The following CCSER1 variants were observed in gnomAD, a reference collection of about 807,000 sequenced individuals.
The protein encoded by CCSER1 is coiled-coil serine rich protein 1, also known as serine-rich coiled-coil domain-containing protein 1.
A neutral mutation model predicts 82.0 loss-of-function variants in CCSER1; 41 were observed. The ratio of observed to expected loss-of-function variants is 0.50; its 90% CI spans 0.39 to 0.65. The LOEUF (loss-of-function observed/expected upper bound fraction) is 0.65, where lower values mean the gene tolerates loss of function less well. Among genes scored for constraint, CCSER1 ranks in the 30% least tolerant of loss-of-function variants. The probability of loss-of-function intolerance (pLI) is 0.00; values close to 1 mark genes in which losing one functional copy is unlikely to be tolerated. For missense variants in CCSER1, 1,119 were observed against 1,064.2 expected, an observed-to-expected ratio of 1.05 and a Z score of -0.72; for synonymous variants, 414 against 383.9, an observed-to-expected ratio of 1.08 and a Z score of -0.92.
chr4:91,019,011 A>T (rs889610552), intron 9 of CCSER1, among the ~76,000 whole-genome samples: 1 of 151,998 alleles, frequency 6.6e-6, no homozygotes, highest in Non-Finnish European at 1.5e-5. Context: ...TACCACCTTC[A>T]TCTCTATCAT....
chr4:90,658,772 A>G (rs534587614), intron 6 of CCSER1, among the ~76,000 whole-genome samples: 60 of 152,324 alleles, frequency 3.9e-4, no homozygotes, highest in African/African-American at 1.4e-3. Flanking sequence ...AAACATTTAA[A>G]TATATTCACA....
At chr4:91,219,306 GGC>G (rs1737546556) in intron 10 of CCSER1, among the ~76,000 whole-genome samples, 1 of 129,380 alleles carries the variant, frequency 7.7e-6, no homozygotes, top group African/African-American at 3.0e-5. Context: ...TTTACAGTTT[GGC>G]TTTTTTTTTT....
intron 10 of CCSER1, among the ~76,000 whole-genome samples, chr4:91,374,988 T>C (rs945899425): frequency 4.6e-5 from 7 of 152,118 alleles, no homozygotes; most frequent in African/African-American, 1.4e-4. Flanking sequence ...GAGAGAGTCT[T>C]GCTCTGTCAA....
At chr4:90,335,263 C>T (rs1740167465) in intron 3 of CCSER1, among the ~76,000 whole-genome samples, 1 of 152,160 alleles carries the variant, frequency 6.6e-6, no homozygotes, top group Non-Finnish European at 1.5e-5. Context: ...ATATAGGCTT[C>T]TTCATTGACA....
At chr4:90,839,129 T>C in intron 8 of CCSER1, 1 of 940,122 alleles carries the variant, frequency 1.1e-6, no homozygotes, top group Non-Finnish European at 1.7e-6. Flanking sequence ...ATAATATTTT[T>C]AATAATGTTT....
intron 8 of CCSER1, among the ~76,000 whole-genome samples, chr4:90,908,927 A>G (rs1725917531): frequency 6.6e-6 from 1 of 152,210 alleles, no homozygotes. Flanking sequence ...GTAACAAAGT[A>G]CCACAAACTG....
chr4:90,687,903 A>G (rs1735111462), intron 6 of CCSER1, among the ~76,000 whole-genome samples: 1 of 152,160 alleles, frequency 6.6e-6, no homozygotes, highest in East Asian at 1.9e-4. Flanking sequence ...TAATTTTCGG[A>G]TACCTGCGCG....
In CCSER1 at chr4:90,309,392, G is replaced by C; in HGVS notation, c.1108G>C (p.Asp370His). 1 of 1,613,824 alleles carries C rather than the reference G, an allele frequency of 6.2e-7. No homozygotes were observed. Among genetic ancestry groups the C allele is most frequent in the South Asian group, 1.1e-5 (1 of 91,074 alleles). The change falls in exon 2 of 11, where the codon GAT becomes CAT. Residue 370 changes from aspartate to histidine, a missense_variant. Transcript: ENST00000509176. ...VSHSESNLPA[D>H]SEREENIGLQ... is the part of the protein sequence containing the mutation. ...CCACTCAGAGAGTAACCTACCAGCA[G>C]ATAGTGAAAGAGAAGAAAATATAGG... is the stretch of plus-strand genomic sequence containing the variant.
At chr4:91,374,501 T>A (rs1750263466) in intron 10 of CCSER1, among the ~76,000 whole-genome samples, 1 of 152,188 alleles carries the variant, frequency 6.6e-6, no homozygotes, top group Non-Finnish European at 1.5e-5. Context: ...ACTGAATGTT[T>A]TAAGCCCATT....
chr4:90,557,122 C>A (rs1397081877), intron 5 of CCSER1, among the ~76,000 whole-genome samples: 1 of 151,784 alleles, frequency 6.6e-6, no homozygotes, highest in Non-Finnish European at 1.5e-5. Context: ...AGATTTATAA[C>A]TTCCAGTGTT....
intron 1 of CCSER1, among the ~76,000 whole-genome samples, chr4:90,271,862 A>ATAT (rs1553982816): frequency 1.9e-3 from 42 of 21,732 alleles, no homozygotes; most frequent in Non-Finnish European, 2.5e-3. Flanking sequence ...ATATATATAT[A>ATAT]TTTTTTTTTT....
chr4:91,046,805 C>T (rs968838749), intron 9 of CCSER1, among the ~76,000 whole-genome samples: 1 of 151,948 alleles, frequency 6.6e-6, no homozygotes, highest in Non-Finnish European at 1.5e-5. Flanking sequence ...ACAACCCGCA[C>T]CTCCCAGGTT....
chr4:90,883,778 G>T (rs973985991), intron 8 of CCSER1, among the ~76,000 whole-genome samples: 4 of 152,078 alleles, frequency 2.6e-5, no homozygotes, highest in African/African-American at 9.7e-5. Context: ...CTTTCAGATG[G>T]AATATATCTG....
intron 9 of CCSER1, among the ~76,000 whole-genome samples, chr4:91,082,915 A>G (rs893458900): frequency 3.9e-5 from 6 of 152,168 alleles, no homozygotes; most frequent in Admixed American, 2.6e-4. Flanking sequence ...GAAACTACAG[A>G]TGCTGGAGAG....
Position 90,308,867 on chromosome 4 carries a change from G to A in CCSER1, c.583G>A (p.Val195Ile). 1 of 1,613,852 alleles carries A rather than the reference G, an allele frequency of 6.2e-7. No homozygotes were observed. Among genetic ancestry groups the A allele is most frequent in the Non-Finnish European group, 8.5e-7 (1 of 1,179,816 alleles). ...FSSHYKFSKP[V>I]LQSQSISLVQ... is the part of the protein sequence containing the mutation. ...ATCTCACTATAAATTTTCTAAGCCA[G>A]TTCTACAGAGCCAATCCATTTCATT... The change falls in exon 2 of 11, where the codon GTT (valine) becomes ATT (isoleucine). Residue 195 changes from valine to isoleucine, a missense_variant. Transcript: ENST00000509176.
chr4:91,197,211 T>C (rs1735514283), intron 10 of CCSER1, among the ~76,000 whole-genome samples: 1 of 152,192 alleles, frequency 6.6e-6, no homozygotes, highest in Non-Finnish European at 1.5e-5. Flanking sequence ...CCATGATCCA[T>C]GACAGCTAAA....
At chr4:91,246,205 G>A (rs777881092) in intron 10 of CCSER1, among the ~76,000 whole-genome samples, 2 of 152,070 alleles carry the variant, frequency 1.3e-5, no homozygotes, top group Non-Finnish European at 2.9e-5. Flanking sequence ...AAAACAGAAA[G>A]TTAAAAAGCA....
At chr4:90,268,339 C>T (rs1298368554) in intron 1 of CCSER1, among the ~76,000 whole-genome samples, 1 of 152,016 alleles carries the variant, frequency 6.6e-6, no homozygotes, top group African/African-American at 2.4e-5. Flanking sequence ...ATAACTACAA[C>T]AATTTCAGAC....
chr4:90,544,712 C>A (rs1196857713), intron 5 of CCSER1, among the ~76,000 whole-genome samples: 1 of 151,964 alleles, frequency 6.6e-6, no homozygotes, highest in Non-Finnish European at 1.5e-5. Context: ...TACCCTAATT[C>A]CTATTGTTAG....
Sources: gnomAD v4.1 joint callset for allele counts (sites outside exome capture counted in the v4.1 genomes callset) on GRCh38, gnomAD v4.1.1 for gene constraint, MANE v1.5 for transcripts, NCBI Gene and HGNC (gene_info 2026-07-23, HGNC 2026-07-21) for gene names.